Variants in ASB3 observed in about 807,000 individuals in gnomAD.
ASB3 encodes ankyrin repeat and SOCS box containing 3.
Under a neutral mutation model 54.5 loss-of-function variants are expected in ASB3, and 41 were observed. That is an observed-to-expected ratio of 0.75 (90% CI 0.59 to 0.98). The LOEUF (loss-of-function observed/expected upper bound fraction) is 0.98. ASB3 is among the 50% of genes least tolerant of loss of function. The pLI, the probability that ASB3 is intolerant of heterozygous loss-of-function variation, is 0.00. For synonymous variants in ASB3, 266 were observed against 221.2 expected, an observed-to-expected ratio of 1.20 and a Z score of -1.80; for missense variants, 733 against 620.0, an observed-to-expected ratio of 1.18 and a Z score of -1.94.
At chr2:53,732,408 A>G (rs1175535253) in intron 3 of ASB3, among the ~76,000 whole-genome samples, 1 of 152,264 alleles carries the variant, frequency 6.6e-6, no homozygotes, top group Non-Finnish European at 1.5e-5. Context: ...GTTTCATATC[A>G]AATTCATACA....
chr2:53,765,348 A>C, intron 2 of ASB3, 29 bp downstream of exon 2: 2 of 1,613,472 alleles, frequency 1.2e-6, no homozygotes, highest in Non-Finnish European at 1.7e-6. Context: ...GCTTGTAGGC[A>C]AAGCCTCCAT....
At chr2:53,692,156 G>A (rs1183512050) in intron 9 of ASB3, among the ~76,000 whole-genome samples, 2 of 151,748 alleles carry the variant, frequency 1.3e-5, no homozygotes, top group African/African-American at 2.4e-5. Context: ...AATGTCTACA[G>A]GGGGGGCAAA....
At chr2:53,773,801 G>A (rs184920805) in intron 1 of ASB3, among the ~76,000 whole-genome samples, 1,806 of 151,962 alleles carry the variant, frequency 0.012, 39 homozygotes, top group African/African-American at 0.042. Flanking sequence ...CTGGGAGGCC[G>A]AGGCAGGTGG....
At chr2:53,700,676 T>C (rs1335999858) in intron 7 of ASB3, 148 bp from the exon 8 acceptor site, 2 of 1,212,746 alleles carry the variant, frequency 1.6e-6, no homozygotes. Context: ...TGGATTGAGA[T>C]TAGAGAATGT....
intron 1 of ASB3, among the ~76,000 whole-genome samples, chr2:53,779,833 T>C (rs1013713645): frequency 6.6e-6 from 1 of 152,230 alleles, no homozygotes; most frequent in Non-Finnish European, 1.5e-5. Context: ...ACTTCTAATT[T>C]TGGGTGCTGC....
chr2:53,718,722 C>T (rs1006045959), intron 5 of ASB3, among the ~76,000 whole-genome samples: 2 of 150,188 alleles, frequency 1.3e-5, no homozygotes, highest in South Asian at 2.1e-4. Flanking sequence ...TCGCCTTTTA[C>T]GAAACATCCT....
chr2:53,733,238 T>C (rs1426628961), intron 3 of ASB3, among the ~76,000 whole-genome samples: 1 of 152,198 alleles, frequency 6.6e-6, no homozygotes, highest in Admixed American at 6.5e-5. Context: ...GAGAGAATGA[T>C]ACATGTCAGC....
intron 5 of ASB3, among the ~76,000 whole-genome samples, chr2:53,721,398 C>CAAAAAAAA (rs1195017138): frequency 9.2e-5 from 8 of 87,366 alleles, no homozygotes; most frequent in Non-Finnish European, 1.4e-4. Flanking sequence ...TACTAAACTA[C>CAAAAAAAA]AAAAAAAAAA....
intron 3 of ASB3, among the ~76,000 whole-genome samples, chr2:53,731,358 G>C (rs538542661): frequency 1.3e-5 from 2 of 152,162 alleles, no homozygotes; most frequent in South Asian, 4.1e-4. Context: ...ACTCCACCTG[G>C]GTTGCTGCAC....
chr2:53,715,931 A>C (rs920823571), intron 6 of ASB3, among the ~76,000 whole-genome samples: 1 of 152,200 alleles, frequency 6.6e-6, no homozygotes, highest in Non-Finnish European at 1.5e-5. Flanking sequence ...GATTCTAAAC[A>C]TGTATTTCTA....
chr2:53,696,401 G>C (rs1344445004), intron 8 of ASB3, among the ~76,000 whole-genome samples: 1 of 152,086 alleles, frequency 6.6e-6, no homozygotes, highest in Admixed American at 6.5e-5. Context: ...TGGGGGAGCA[G>C]TATCAGAATT....
At chr2:53,727,812 G>C (rs1162596413) in intron 5 of ASB3, among the ~76,000 whole-genome samples, 1 of 152,090 alleles carries the variant, frequency 6.6e-6, no homozygotes, top group African/African-American at 2.4e-5. Context: ...TGCAACCTCT[G>C]CCTCCCAGGT....
At chr2:53,752,131 G>A (rs1288019034) in intron 2 of ASB3, among the ~76,000 whole-genome samples, 1 of 152,128 alleles carries the variant, frequency 6.6e-6, no homozygotes, top group Non-Finnish European at 1.5e-5. Flanking sequence ...TTATAAAGAT[G>A]CTGATTCTTC....
intron 9 of ASB3, among the ~76,000 whole-genome samples, chr2:53,693,316 T>A (rs1455213006): frequency 6.6e-6 from 1 of 152,182 alleles, no homozygotes; most frequent in Non-Finnish European, 1.5e-5. Context: ...AAAATTTTTT[T>A]AAGTGAGGTA....
intron 3 of ASB3, among the ~76,000 whole-genome samples, chr2:53,735,414 C>G (rs1671566942): frequency 6.8e-6 from 1 of 146,744 alleles, no homozygotes; most frequent in Non-Finnish European, 1.5e-5. Context: ...GACCTGGAGG[C>G]ATAAATTTAA....
At chr2:53,734,918 G>GTTT (rs35847412) in intron 3 of ASB3, among the ~76,000 whole-genome samples, 22 of 119,640 alleles carry the variant, frequency 1.8e-4, no homozygotes, top group East Asian at 9.9e-4. Context: ...CTTTATACAA[G>GTTT]TTTTTTTTTT....
chr2:53,719,838 G>A (rs994376076), intron 5 of ASB3, among the ~76,000 whole-genome samples: 24 of 152,156 alleles, frequency 1.6e-4, no homozygotes, highest in African/African-American at 5.8e-4. Context: ...AAGGGGGGAG[G>A]ATCGCTTGAG....
At chr2:53,747,396 A>C (rs1431428689) in intron 3 of ASB3, among the ~76,000 whole-genome samples, 1 of 152,138 alleles carries the variant, frequency 6.6e-6, no homozygotes, top group Non-Finnish European at 1.5e-5. Context: ...AAATATAAAA[A>C]TTAGCCAGGC....
At chr2:53,774,577 A>G (rs1674201068) in intron 1 of ASB3, 2 of 1,307,950 alleles carry the variant, frequency 1.5e-6, no homozygotes, top group East Asian at 2.4e-5. Context: ...TGATTTGGAA[A>G]TACGTTTACT....
Sources: allele counts gnomAD v4.1 joint callset (sites outside exome capture counted in the v4.1 genomes callset), GRCh38; gene constraint gnomAD v4.1.1; transcripts MANE v1.5; gene names NCBI Gene and HGNC (gene_info 2026-07-23, HGNC 2026-07-21).